Variants in EML5 observed in about 807,000 individuals in gnomAD.
EML5 encodes the protein EMAP like 5.
Under a neutral mutation model 250.0 loss-of-function variants are expected in EML5, and 120 were observed. The ratio of observed to expected loss-of-function variants is 0.48; its 90% CI spans 0.41 to 0.56. EML5 has a LOEUF of 0.56. EML5 is among the 20% of genes least tolerant of loss of function. EML5 has a pLI of 0.00. For synonymous variants in EML5, 771 were observed against 806.5 expected, an observed-to-expected ratio of 0.96 and a Z score of 0.75; for missense variants, 2,006 against 2,437.6, an observed-to-expected ratio of 0.82 and a Z score of 3.73.
At chr14:88,769,699 T>C (rs2094367262) in intron 1 of EML5, among the ~76,000 whole-genome samples, 1 of 152,232 alleles carries the variant, frequency 6.6e-6, no homozygotes, top group Non-Finnish European at 1.5e-5. Context: ...TACTAACCCA[T>C]GCATACATTC....
rs186733673 is a variant in EML5 at position 88,697,259 on chromosome 14, C to T, written c.2239-307G>A. 3.7e-4 allele frequency among the ~76,000 whole-genome samples: 57 copies of T among 152,114 alleles called. 2 individuals are homozygous for T. The highest frequency in any genetic ancestry group is 1.5e-5 in the Non-Finnish European group (1 of 68,014). On this transcript the variant is annotated intron_variant, in intron 14 of 43. Transcript: ENST00000554922. ...TCTATTGTTTGTATGCTAGATACAA[C>T]GAGCAATAAGACATTCAGGTAACTT...
intron 1 of EML5, among the ~76,000 whole-genome samples, chr14:88,779,637 A>G (rs1057223157): frequency 6.6e-6 from 1 of 152,172 alleles, no homozygotes; most frequent in Admixed American, 6.5e-5. Context: ...TTGTCACCCT[A>G]CTAGTCTTTT....
intron 1 of EML5, among the ~76,000 whole-genome samples, chr14:88,789,056 G>A (rs1277482712): frequency 6.6e-6 from 1 of 151,528 alleles, no homozygotes; most frequent in Admixed American, 6.6e-5. Flanking sequence ...CAGAGCAAGG[G>A]CCTGTCTCAG....
intron 4 of EML5, 126 bp downstream of exon 4, chr14:88,743,897 A>C: frequency 2.0e-6 from 1 of 497,200 alleles, no homozygotes; most frequent in Non-Finnish European, 3.4e-6. Context: ...GAACAATAAA[A>C]ACATTGCCAT....
intron 25 of EML5, among the ~76,000 whole-genome samples, chr14:88,659,153 C>T (rs1476151974): frequency 6.6e-6 from 1 of 152,002 alleles, no homozygotes; most frequent in East Asian, 1.9e-4. Flanking sequence ...TTTCCGTTAA[C>T]ATCTTTTCAA....
chr14:88,711,244 T>G (rs759630196), intron 10 of EML5, among the ~76,000 whole-genome samples: 3 of 151,220 alleles, frequency 2.0e-5, no homozygotes, highest in Admixed American at 6.6e-5. Context: ...AAATCTCATC[T>G]CGAATTGTAA....
At chr14:88,687,736 A>G (rs955565609) in intron 18 of EML5, among the ~76,000 whole-genome samples, 11 of 151,384 alleles carry the variant, frequency 7.3e-5, no homozygotes, top group Non-Finnish European at 1.3e-4. Flanking sequence ...TATGAGCTTA[A>G]GAACATGAAG....
intron 1 of EML5, among the ~76,000 whole-genome samples, chr14:88,768,709 G>A (rs1227232350): frequency 6.6e-6 from 1 of 152,126 alleles, no homozygotes. Context: ...ATCGCACCTG[G>A]CCTATAATGT....
chr14:88,636,102 C>T lies in EML5; in HGVS notation c.4337-1613G>A, dbSNP rs187641025. Among the ~76,000 whole-genome samples, 12 of 152,272 alleles carry T rather than the reference C, an allele frequency of 7.9e-5. No individual in the cohort carries two copies. The East Asian group carries it at 2.3e-3, about 29-fold the overall frequency. ...AGCTACTGCATTAGAACTCCATCCACCCCTACACAAAGAACAGCTTGGCCA... is the reference window on the plus strand; with the variant it reads ...AGCTACTGCATTAGAACTCCATCCATCCCTACACAAAGAACAGCTTGGCCA... On this transcript the variant is annotated intron_variant, in intron 32 of 43. Transcript: ENST00000554922.
chr14:88,685,857 A>G (rs533799804), intron 19 of EML5, among the ~76,000 whole-genome samples: 20 of 152,066 alleles, frequency 1.3e-4, no homozygotes, highest in African/African-American at 4.3e-4. Flanking sequence ...TTATTGTTCT[A>G]TTGTTACTTT....
Position 88,627,761 on chromosome 14 carries a change from T to C in EML5, c.4416A>G (p.Leu1472=). The change falls in exon 34 of 44, where the codon CTA becomes CTG. Residue 1472 remains leucine, a synonymous_variant. Transcript: ENST00000554922. ...DAMNKQTLSI[L]RCYHSKGVCS... ...ATACTCCCTTTGAATGGTAGCATCT[T>C]AGGATAGATAAAGTCTGCTTGTTCA... The C allele has an allele frequency of 6.2e-7, 1 of 1,611,570 alleles. No homozygotes were observed. Among genetic ancestry groups the C allele is most frequent in the African/African-American group, 1.3e-5 (1 of 75,020 alleles).
chr14:88,676,318 T>C (rs1377063581), intron 21 of EML5, among the ~76,000 whole-genome samples: 1 of 152,190 alleles, frequency 6.6e-6, no homozygotes. Context: ...TTAACAATCA[T>C]GGCAGAAGCC....
intron 8 of EML5, among the ~76,000 whole-genome samples, chr14:88,715,975 T>C (rs191154966): frequency 1.3e-5 from 2 of 152,190 alleles, no homozygotes; most frequent in African/African-American, 2.4e-5. Flanking sequence ...TGGATAAATA[T>C]GTAGTAAAAC....
intron 2 of EML5, among the ~76,000 whole-genome samples, chr14:88,749,711 T>C (rs1956406): frequency 0.24 from 36,873 of 151,998 alleles, 4,640 homozygotes; most frequent in East Asian, 0.38. Flanking sequence ...TCACAAAAAT[T>C]TGGATTACAA....
chr14:88,707,267 ATATTT>A (rs1157851979), intron 10 of EML5, among the ~76,000 whole-genome samples: 2 of 134,554 alleles, frequency 1.5e-5, no homozygotes, highest in Non-Finnish European at 3.1e-5. Flanking sequence ...TAATAGGGAT[ATATTT>A]TATTTATTTA....
At chr14:88,773,845 A>T (rs1191187076) in intron 1 of EML5, among the ~76,000 whole-genome samples, 1 of 152,148 alleles carries the variant, frequency 6.6e-6, no homozygotes, top group Non-Finnish European at 1.5e-5. Context: ...GGGGCCGGGC[A>T]TAGTGGCTCA....
chr14:88,788,087 T>C (rs1258930879), intron 1 of EML5, among the ~76,000 whole-genome samples: 1 of 152,212 alleles, frequency 6.6e-6, no homozygotes, highest in Non-Finnish European at 1.5e-5. Flanking sequence ...TGGGAAATCA[T>C]GAGCATGTAT....
chr14:88,625,213 C>T, intron 35 of EML5, 86 bp from the exon 36 acceptor site: 3 of 1,438,016 alleles, frequency 2.1e-6, no homozygotes, highest in Non-Finnish European at 2.8e-6. Flanking sequence ...ATGTGTAATG[C>T]TGTCTCACCC....
intron 23 of EML5, among the ~76,000 whole-genome samples, 195 bp downstream of exon 23, chr14:88,664,298 A>G (rs1333392116): frequency 6.6e-6 from 1 of 151,702 alleles, no homozygotes; most frequent in Admixed American, 6.6e-5. Context: ...AAAGAAAAGA[A>G]AAAGGAAAAA....
Sources: allele counts gnomAD v4.1 joint callset (sites outside exome capture counted in the v4.1 genomes callset), GRCh38; gene constraint gnomAD v4.1.1; transcripts MANE v1.5; gene names NCBI Gene and HGNC (gene_info 2026-07-23, HGNC 2026-07-21).